Variants in ATL2 observed in about 807,000 individuals in gnomAD.
ATL2 encodes the protein atlastin-2.
A neutral mutation model predicts 73.9 loss-of-function variants in ATL2; 31 were observed. The ratio of observed to expected loss-of-function variants is 0.42; its 90% CI spans 0.32 to 0.57. ATL2 has a LOEUF of 0.57. Ranked by LOEUF, ATL2 falls within the 20% of genes least tolerant of loss-of-function variation. The pLI is 0.14. For synonymous variants in ATL2, 291 were observed against 237.5 expected, an observed-to-expected ratio of 1.23 and a Z score of -2.07; for missense variants, 738 against 702.6, an observed-to-expected ratio of 1.05 and a Z score of -0.57.
intron 1 of ATL2, among the ~76,000 whole-genome samples, chr2:38,348,329 G>T: frequency 6.6e-6 from 1 of 151,864 alleles, no homozygotes; most frequent in East Asian, 1.9e-4. Context: ...AGCCAGGAGT[G>T]GTGTTGCTTG....
chr2:38,296,813 ACACTTTAGATTCTTC>A (rs1316014633), intron 12 of ATL2: 1 of 1,461,558 alleles, frequency 6.8e-7, no homozygotes. Context: ...ATGATTTTAT[ACACTTTAGATTCTTC>A]CATTTAATTG....
intron 9 of ATL2, among the ~76,000 whole-genome samples, chr2:38,309,060 C>T (rs546375380): frequency 2.0e-5 from 3 of 152,152 alleles, no homozygotes; most frequent in African/African-American, 7.2e-5. Context: ...TAAAATTATG[C>T]TTTCCATTCC....
chr2:38,337,419 G>C (rs924165263), intron 2 of ATL2, among the ~76,000 whole-genome samples: 1 of 134,024 alleles, frequency 7.5e-6, no homozygotes, highest in African/African-American at 2.7e-5. Flanking sequence ...CCAGGAGGCA[G>C]AGGTTGCAGT....
intron 2 of ATL2, among the ~76,000 whole-genome samples, chr2:38,335,401 A>T (rs1025735479): frequency 6.6e-6 from 1 of 152,240 alleles, no homozygotes; most frequent in Non-Finnish European, 1.5e-5. Flanking sequence ...ATCACTCAGC[A>T]ATAAAAATAA....
chr2:38,344,298 T>G (rs1573535612), intron 1 of ATL2, among the ~76,000 whole-genome samples: 1 of 152,162 alleles, frequency 6.6e-6, no homozygotes, highest in Admixed American at 6.5e-5. Context: ...TACTCTACTT[T>G]ACAAACATTA....
chr2:38,361,321 G>A (rs1159285933), intron 1 of ATL2, among the ~76,000 whole-genome samples: 16 of 137,776 alleles, frequency 1.2e-4, no homozygotes, highest in African/African-American at 3.7e-4. Flanking sequence ...GCCACTGCAC[G>A]CCAGCCTGGG....
chr2:38,362,083 A>G (rs943845745), intron 1 of ATL2, among the ~76,000 whole-genome samples: 1 of 152,206 alleles, frequency 6.6e-6, no homozygotes, highest in Admixed American at 6.6e-5. Flanking sequence ...ATCATTTAAA[A>G]TAAATCCCTA....
At chr2:38,316,609 T>C (rs1388736492) in intron 4 of ATL2, among the ~76,000 whole-genome samples, 1 of 152,056 alleles carries the variant, frequency 6.6e-6, no homozygotes, top group Non-Finnish European at 1.5e-5. Context: ...AATCTTAATC[T>C]TCTTGGTTAT....
chr2:38,336,945 T>C (rs1246178298), intron 2 of ATL2, among the ~76,000 whole-genome samples: 2 of 152,166 alleles, frequency 1.3e-5, no homozygotes, highest in Non-Finnish European at 2.9e-5. Flanking sequence ...TTGAGTCTGA[T>C]GAAGTCTCTA....
At chr2:38,368,413 C>T (rs963390799) in intron 1 of ATL2, among the ~76,000 whole-genome samples, 6 of 152,174 alleles carry the variant, frequency 3.9e-5, no homozygotes, top group South Asian at 2.1e-4. Flanking sequence ...CCACCACGCC[C>T]GGCTAATTTT....
intron 6 of ATL2, 81 bp from the exon 7 acceptor site, chr2:38,313,324 C>T: frequency 1.0e-6 from 1 of 955,652 alleles, no homozygotes; most frequent in South Asian, 1.6e-5. Context: ...ACAATTGAAG[C>T]CTCTCTTACT....
At chr2:38,328,336 C>T (rs1208184661) in intron 2 of ATL2, among the ~76,000 whole-genome samples, 2 of 152,162 alleles carry the variant, frequency 1.3e-5, no homozygotes, top group Admixed American at 1.3e-4. Flanking sequence ...ATGGATCTGA[C>T]ATTATAGTAT....
At chr2:38,341,476 A>C (rs1045336878) in intron 2 of ATL2, among the ~76,000 whole-genome samples, 2 of 152,114 alleles carry the variant, frequency 1.3e-5, no homozygotes, top group African/African-American at 2.4e-5. Flanking sequence ...CATCTTTACA[A>C]AAAATTTAAA....
At chr2:38,341,266 G>A (rs1380911449) in intron 2 of ATL2, among the ~76,000 whole-genome samples, 1 of 152,114 alleles carries the variant, frequency 6.6e-6, no homozygotes, top group Non-Finnish European at 1.5e-5. Context: ...ATCTTTAAAT[G>A]TACAGTTTTT....
chr2:38,335,009 C>A (rs1440825557), intron 2 of ATL2, among the ~76,000 whole-genome samples: 1 of 77,162 alleles, frequency 1.3e-5, no homozygotes, highest in Admixed American at 1.5e-4. Flanking sequence ...AGTTTATGAG[C>A]AAATGAACTT....
rs115723199 is a variant in ATL2 at position 38,375,842 on chromosome 2, G to A, written c.118+1301C>T. Reference sequence around the variant, plus strand: ...TACAAACAGTCAAGCGTTTTGGTTGGCAGACAATAATAAAATAAGCTTTAT... The same window carrying A: ...TACAAACAGTCAAGCGTTTTGGTTGACAGACAATAATAAAATAAGCTTTAT... On this transcript the variant is annotated intron_variant, in intron 1 of 12. Transcript: ENST00000378954. Among the ~76,000 whole-genome samples, 1,281 of 152,290 alleles carry A rather than the reference G, an allele frequency of 8.4e-3. 16 individuals carry two copies. The highest frequency in any genetic ancestry group is 0.029 in the African/African-American group (1,195 of 41,554).
At chr2:38,299,355 G>T in intron 10 of ATL2, 28 bp from the exon 11 acceptor site, 1 of 1,515,638 alleles carries the variant, frequency 6.6e-7, no homozygotes, top group Non-Finnish European at 8.7e-7. Context: ...CCATTATTAT[G>T]CAAAAAATAC....
At chr2:38,335,994 C>A (rs1001809483) in intron 2 of ATL2, among the ~76,000 whole-genome samples, 3 of 152,176 alleles carry the variant, frequency 2.0e-5, no homozygotes, top group East Asian at 1.9e-4. Context: ...CCAGCCTGGG[C>A]GCCACAGCGA....
chr2:38,327,712 G>A (rs940682522), intron 2 of ATL2, among the ~76,000 whole-genome samples: 3 of 152,146 alleles, frequency 2.0e-5, no homozygotes, highest in Admixed American at 2.0e-4. Context: ...GAGGTGGGTG[G>A]ATCACCTGAG....
Sources: gnomAD v4.1 joint callset for allele counts (sites outside exome capture counted in the v4.1 genomes callset) on GRCh38, gnomAD v4.1.1 for gene constraint, MANE v1.5 for transcripts, NCBI Gene and HGNC (gene_info 2026-07-23, HGNC 2026-07-21) for gene names.